TRPM3: variants seen among roughly 807,000 people sequenced by gnomAD.
TRPM3 encodes long transient receptor potential channel 3.
A neutral mutation model predicts 181.2 loss-of-function variants in TRPM3; 77 were observed. That is an observed-to-expected ratio of 0.42 (90% CI 0.35 to 0.51). The LOEUF is 0.51. Ranked by LOEUF, TRPM3 falls within the 20% of genes least tolerant of loss-of-function variation. The pLI, the probability that TRPM3 is intolerant of heterozygous loss-of-function variation, is 0.01. For missense variants in TRPM3, 1,759 were observed against 2,196.7 expected, an observed-to-expected ratio of 0.80 and a Z score of 3.98; for synonymous variants, 745 against 796.4, an observed-to-expected ratio of 0.94 and a Z score of 1.09.
At chr9:71,047,551 A>G (rs748567265) in intron 1 of TRPM3, among the ~76,000 whole-genome samples, 2 of 152,168 alleles carry the variant, frequency 1.3e-5, no homozygotes, top group Non-Finnish European at 2.9e-5. Flanking sequence ...GGTTTGAAAT[A>G]TGGCTGAAGC....
intron 10 of TRPM3, 29 bp from the exon 11 acceptor site, chr9:70,639,223 C>A (rs894258695): frequency 6.2e-7 from 1 of 1,611,280 alleles, no homozygotes; most frequent in Non-Finnish European, 8.5e-7. Flanking sequence ...AGTTAGTCTG[C>A]CCCAGGGTCT....
chr9:71,373,980 T>C (rs1165030948), intron 1 of TRPM3, among the ~76,000 whole-genome samples: 8 of 152,192 alleles, frequency 5.3e-5, no homozygotes. Flanking sequence ...CATACACAAA[T>C]CAACGTGATT....
chr9:71,283,113 C>A (rs2084980240), intron 1 of TRPM3, among the ~76,000 whole-genome samples: 1 of 151,526 alleles, frequency 6.6e-6, no homozygotes, highest in Non-Finnish European at 1.5e-5. Flanking sequence ...AAACGATTCC[C>A]CCATTCACTC....
intron 1 of TRPM3, among the ~76,000 whole-genome samples, chr9:71,332,931 G>A (rs959789005): frequency 4.0e-5 from 6 of 151,812 alleles, no homozygotes; most frequent in Non-Finnish European, 7.4e-5. Context: ...TGTCAATAAA[G>A]TTCAAATCAA....
chr9:70,774,901 C>A (rs1484907893), intron 7 of TRPM3: 1 of 152,128 alleles, frequency 6.6e-6, no homozygotes, highest in Non-Finnish European at 1.5e-5. Flanking sequence ...AACAGTAGTG[C>A]AGACTTGAGT....
At chr9:71,205,451 T>C (rs181377187) in intron 1 of TRPM3, among the ~76,000 whole-genome samples, 43 of 152,158 alleles carry the variant, frequency 2.8e-4, no homozygotes, top group African/African-American at 1.0e-3. Context: ...TTTACCTAGT[T>C]GGGTAGAGAG....
intron 9 of TRPM3, among the ~76,000 whole-genome samples, chr9:70,649,379 G>A (rs1377284717): frequency 2.6e-5 from 4 of 152,114 alleles, no homozygotes; most frequent in African/African-American, 9.7e-5. Context: ...AGTAGAGACA[G>A]TGTTTTGCCA....
rs370069537 is a variant in TRPM3, at chr9:71,166,697, T to C, written c.183+279956A>G. ...ATGTATTTCATGGCCATGTAGTCTT[T>C]AAACAACGTTAGAAAGGAAGAATAA... is the stretch of plus-strand genomic sequence containing the variant. On this transcript the variant is annotated intron_variant, in intron 1 of 24. Coordinates refer to the TRPM3 transcript ENST00000357533. 5.3e-5 allele frequency among the ~76,000 whole-genome samples: 8 copies of C among 152,360 alleles called. 1 individual carries two copies. In the South Asian group the frequency reaches 1.2e-3, roughly 24 times the overall value.
At chr9:71,265,207 A>T (rs1050053641) in intron 1 of TRPM3, among the ~76,000 whole-genome samples, 2 of 152,220 alleles carry the variant, frequency 1.3e-5, no homozygotes, top group Non-Finnish European at 2.9e-5. Context: ...ATACATTTTA[A>T]AGTATCAAAA....
chr9:70,890,779 A>G (rs1347436438), intron 1 of TRPM3, among the ~76,000 whole-genome samples: 1 of 152,222 alleles, frequency 6.6e-6, no homozygotes, highest in Middle Eastern at 3.4e-3. Context: ...TGCTCCGTAA[A>G]CAGGAAAAAA....
At chr9:70,790,729 T>G (rs905887294) in intron 6 of TRPM3, among the ~76,000 whole-genome samples, 1 of 152,190 alleles carries the variant, frequency 6.6e-6, no homozygotes, top group Non-Finnish European at 1.5e-5. Context: ...GATGAATTTA[T>G]GAAAACTACA....
intron 1 of TRPM3, among the ~76,000 whole-genome samples, chr9:70,918,617 C>G (rs2096624954): frequency 6.6e-6 from 1 of 151,876 alleles, no homozygotes; most frequent in East Asian, 1.9e-4. Flanking sequence ...ACAGCAAAAG[C>G]AGTACTAAGG....
rs771613360 is a variant in TRPM3 at position 70,863,090 on chromosome 9, C to T, written c.280G>A (p.Gly94Ser). 5.6e-6 allele frequency: 9 copies of T among 1,613,320 alleles called. No individual in the cohort carries two copies. Among genetic ancestry groups the T allele is most frequent in the Non-Finnish European group, 8.5e-7 (1 of 1,179,534 alleles). The part of the protein sequence containing the change: ...PHRCCCGRLI[G>S]QHVGLTPSIS... ...CTGGGGGTGAGGCCAACATGCTGGC[C>T]TATCAGACGCCCACAGCAACACCTA... The change falls in exon 3 of 26, where the codon GGC (glycine) becomes AGC (serine). Residue 94 changes from glycine (G) to serine (S), a missense_variant. By Grantham distance (56) the Gly-to-Ser change is moderately conservative. Coordinates refer to ENST00000677713, the MANE Select transcript of TRPM3 (RefSeq NM_001366145.2).
chr9:70,811,145 C>T (rs2091950400), intron 6 of TRPM3: 20 of 1,570,446 alleles, frequency 1.3e-5, no homozygotes, highest in Non-Finnish European at 1.7e-5. Context: ...AGAAGAAATT[C>T]ACATTTTCCA....
At chr9:70,769,476 A>C (rs547374195) in intron 7 of TRPM3, among the ~76,000 whole-genome samples, 30 of 151,966 alleles carry the variant, frequency 2.0e-4, no homozygotes, top group African/African-American at 7.2e-4. Context: ...CACGTTTCTG[A>C]GCTTTGGAGT....
intron 1 of TRPM3, among the ~76,000 whole-genome samples, chr9:71,096,569 C>A (rs984668039): frequency 9.9e-6 from 1 of 100,732 alleles, no homozygotes; most frequent in Non-Finnish European, 2.2e-5. Context: ...TGCACACACA[C>A]ACACACACAC....
chr9:71,443,348 T>G (rs1378223834), intron 1 of TRPM3, among the ~76,000 whole-genome samples: 1 of 150,644 alleles, frequency 6.6e-6, no homozygotes, highest in Middle Eastern at 3.2e-3. Context: ...AAAAAAAAAG[T>G]CTTTTCAAAT....
Position 70,535,924 on chromosome 9 carries a change from G to A in TRPM3, c.*29C>T, listed in dbSNP as rs764764959. On this transcript the variant is annotated 3_prime_UTR_variant, in exon 26 of 26. Coordinates refer to ENST00000677713, the MANE Select transcript of TRPM3 (RefSeq NM_001366145.2). ...GAGAGAATTTTAGGGCTGGATTCTT[G>A]AGCCTTCTGTGGCGGATATTAAGAA... 2.6e-6 allele frequency: 4 copies of A among 1,542,182 alleles called. No individual in the cohort carries two copies. The Admixed American group carries it at 8.3e-5, about 32-fold the overall frequency.
chr9:71,043,470 G>A (rs10868945), intron 1 of TRPM3, among the ~76,000 whole-genome samples: 49,677 of 152,060 alleles, frequency 0.33, 8,920 homozygotes, highest in Middle Eastern at 0.44. Context: ...AAAAGCTACA[G>A]TTCTGGGTAC....
Sources: gnomAD v4.1 joint callset for allele counts (sites outside exome capture counted in the v4.1 genomes callset) on GRCh38, gnomAD v4.1.1 for gene constraint, MANE v1.5 for transcripts, NCBI Gene and HGNC (gene_info 2026-07-23, HGNC 2026-07-21) for gene names.